Variants in ARFGEF1 observed in about 807,000 individuals in gnomAD.
ARFGEF1 encodes ARF guanine nucleotide exchange factor 1.
Under a neutral mutation model 231.0 loss-of-function variants are expected in ARFGEF1, and 42 were observed. The observed-to-expected ratio is 0.18, with a 90% CI of 0.14 to 0.24. The LOEUF is 0.24. Among genes scored for constraint, ARFGEF1 ranks in the 10% least tolerant of loss-of-function variants. ARFGEF1 has a pLI of 1.00. For synonymous variants in ARFGEF1, 710 were observed against 732.3 expected, an observed-to-expected ratio of 0.97 and a Z score of 0.49; for missense variants, 1,345 against 2,192.0, an observed-to-expected ratio of 0.61 and a Z score of 7.72.
At chr8:67,238,540 T>C (rs753617894) in intron 21 of ARFGEF1, 47 bp from the exon 22 acceptor site, 1 of 1,548,668 alleles carries the variant, frequency 6.5e-7, no homozygotes, top group African/African-American at 1.4e-5. Context: ...GTTAAAAATA[T>C]CTTCAAAAAG....
At chr8:67,291,777 T>A in intron 6 of ARFGEF1, 70 bp downstream of exon 6, 1 of 1,524,910 alleles carries the variant, frequency 6.6e-7, no homozygotes, top group East Asian at 2.3e-5. Flanking sequence ...TCAACATTTC[T>A]TCATCAAAAC....
chr8:67,238,593 T>C (rs960927190), intron 21 of ARFGEF1, 100 bp from the exon 22 acceptor site: 9 of 1,407,080 alleles, frequency 6.4e-6, no homozygotes, highest in Admixed American at 4.7e-5. Context: ...GACTACACTA[T>C]AGATTATTTT....
intron 14 of ARFGEF1, among the ~76,000 whole-genome samples, chr8:67,262,353 A>G (rs1192165946): frequency 6.6e-6 from 1 of 151,988 alleles, no homozygotes; most frequent in African/African-American, 2.4e-5. Flanking sequence ...TAACCTCATG[A>G]TCAAACTTTA....
At chr8:67,342,651 A>C (rs544098256) in intron 1 of ARFGEF1, among the ~76,000 whole-genome samples, 1 of 152,128 alleles carries the variant, frequency 6.6e-6, no homozygotes, top group East Asian at 1.9e-4. Flanking sequence ...CACCTCTTGC[A>C]AACCCCTTCT....
rs562740136 is a variant in ARFGEF1, at chr8:67,201,024, G to A, written c.5267+443C>T. ...ATATGATAATACAATGCAGATGACC[G>A]TATTCTTTCTGAATGGCATGTTTCA... On this transcript the variant is annotated intron_variant, in intron 37 of 38. Transcript: ENST00000262215. Among the ~76,000 whole-genome samples the A allele has an allele frequency of 1.7e-4, 26 of 152,334 alleles. No individual in the cohort carries two copies. In the South Asian group the frequency reaches 3.9e-3, roughly 23 times the overall value.
Position 67,217,784 on chromosome 8 carries a change from A to G in ARFGEF1, c.4611T>C (p.His1537=), listed in dbSNP as rs1225794109. 2.5e-6 allele frequency: 4 copies of G among 1,613,490 alleles called. No homozygotes were observed. The African/African-American group carries it at 4.0e-5, about 16-fold the overall frequency. ...TLDIFKTTIP[H]ALLTWRPNSG... is the part of the protein sequence containing the mutation. ...AAAGTTGTATAAAATCTTCTTACGCATGTGGGATTGTGGTTTTGAAGATAT... is the reference window on the plus strand; with the variant it reads ...AAAGTTGTATAAAATCTTCTTACGCGTGTGGGATTGTGGTTTTGAAGATAT... The change falls in exon 32 of 39, where the codon CAT becomes CAC. Residue 1537 remains histidine (H), a splice_region_variant and synonymous_variant. Transcript: ENST00000262215.
intron 18 of ARFGEF1, among the ~76,000 whole-genome samples, chr8:67,252,719 G>A (rs955389865): frequency 6.6e-6 from 1 of 152,052 alleles, no homozygotes; most frequent in South Asian, 2.1e-4. Flanking sequence ...TGTCTAGAAG[G>A]GGGCTGGGTT....
chr8:67,326,700 A>T (rs557561682), intron 1 of ARFGEF1, among the ~76,000 whole-genome samples: 1 of 152,344 alleles, frequency 6.6e-6, no homozygotes, highest in South Asian at 2.1e-4. Context: ...TTTAAGCAAA[A>T]TTATGTATAA....
At chr8:67,324,376 T>C (rs1807733642) in intron 1 of ARFGEF1, among the ~76,000 whole-genome samples, 1 of 152,234 alleles carries the variant, frequency 6.6e-6, no homozygotes, top group Admixed American at 6.5e-5. Flanking sequence ...ACAGTCATAC[T>C]GAACTCCCTG....
At chr8:67,220,611 G>A (rs1399469534) in intron 29 of ARFGEF1, among the ~76,000 whole-genome samples, 3 of 152,214 alleles carry the variant, frequency 2.0e-5, no homozygotes. Context: ...AGAAACCATA[G>A]TAAAGAAACT....
At position 67,197,973 on chromosome 8, in the gene ARFGEF1, G is replaced by A. The variant is rs758519662; in HGVS notation, c.*961C>T. On this transcript the variant is annotated 3_prime_UTR_variant, in exon 39 of 39. Coordinates refer to ENST00000262215, the MANE Select transcript of ARFGEF1 (RefSeq NM_006421.5). ...TATTCAACGTTAAATTCTGTACATA[G>A]AGTAAAATCTACATCAAGCCCCACC... 1.0e-6 allele frequency: 1 copy of A among 985,658 alleles called. No individual in the cohort carries two copies. Among genetic ancestry groups the A allele is most frequent in the Non-Finnish European group, 1.2e-6 (1 of 829,916 alleles). The allele number at this position is 985,658 out of a possible 1,614,324, so 61.1% of individuals were successfully genotyped here. A position where few individuals can be genotyped will look rare whatever the true frequency, so the allele number is the denominator to read the frequency against.
At chr8:67,196,925 A>AT (rs1233230184), downstream of ARFGEF1, among the ~76,000 whole-genome samples, 1 of 152,208 alleles carries the variant, frequency 6.6e-6, no homozygotes, top group Admixed American at 6.5e-5. Context: ...GTAACTGTTC[A>AT]TTATCTAAGA....
Position 67,336,349 on chromosome 8 carries a change from T to C in ARFGEF1, c.124+6815A>G, listed in dbSNP as rs559936607. On this transcript the variant is annotated intron_variant, in intron 1 of 38. Transcript: ENST00000262215. ...TACAGTAGACTCTGTAAGTGGAAAC[T>C]TGAATAAAGAAATCAAAATGGGTCT... Among the ~76,000 whole-genome samples the C allele has an allele frequency of 3.3e-5, 5 of 152,312 alleles. No individual in the cohort carries two copies. The South Asian group carries it at 6.2e-4, about 19-fold the overall frequency.
downstream of ARFGEF1, chr8:67,195,269 T>TGAGA: frequency 1.3e-6 from 1 of 763,150 alleles, no homozygotes; most frequent in South Asian, 1.5e-5. Flanking sequence ...GTTCAGGATA[T>TGAGA]GAGACTGTGG....
At chr8:67,180,299 C>A (rs530842437) in intron 5 of ARFGEF1, among the ~76,000 whole-genome samples, 480 of 152,314 alleles carry the variant, frequency 3.2e-3, no homozygotes, top group Non-Finnish European at 5.4e-3. Context: ...TTGGATGACT[C>A]TTCAGGGAAA....
chr8:67,227,925 A>G (rs202154827), intron 25 of ARFGEF1, 38 bp downstream of exon 25: 1 of 1,460,292 alleles, frequency 6.8e-7, no homozygotes, highest in African/African-American at 1.4e-5. Flanking sequence ...CAAAAAATAT[A>G]CTACAAATGT....
At position 67,204,976 on chromosome 8, in the gene ARFGEF1, A is replaced by G. The variant is rs1199663158; in HGVS notation, c.4820-157T>C. ...TTTTGCACACAGGCACTACTCAGTAAAAGTTTAACTGATATTTAGAAAAGC... is the reference window on the plus strand; with the variant it reads ...TTTTGCACACAGGCACTACTCAGTAGAAGTTTAACTGATATTTAGAAAAGC... On this transcript the variant is annotated intron_variant, in intron 34 of 38. Transcript: ENST00000262215. 9.7e-6 allele frequency: 8 copies of G among 828,992 alleles called. No individual in the cohort carries two copies. The Admixed American group carries it at 2.4e-4, about 25-fold the overall frequency. 51.4% of individuals were successfully genotyped at this position (828,992 alleles called of 1,614,324 possible). A position where few individuals can be genotyped will look rare whatever the true frequency, so the allele number is the denominator to read the frequency against.
intron 1 of ARFGEF1, among the ~76,000 whole-genome samples, chr8:67,318,618 A>G (rs538041011): frequency 6.6e-6 from 1 of 152,350 alleles, no homozygotes; most frequent in South Asian, 2.1e-4. Flanking sequence ...AGGCTGCAAC[A>G]TGCAAAAATC....
At chr8:67,334,928 T>C (rs1261888827) in intron 1 of ARFGEF1, among the ~76,000 whole-genome samples, 2 of 152,120 alleles carry the variant, frequency 1.3e-5, no homozygotes, top group African/African-American at 2.4e-5. Flanking sequence ...ATTGAGGTAA[T>C]AGAAATGTTC....
Sources: gnomAD v4.1 joint callset for allele counts (sites outside exome capture counted in the v4.1 genomes callset) on GRCh38, gnomAD v4.1.1 for gene constraint, MANE v1.5 for transcripts, NCBI Gene and HGNC (gene_info 2026-07-23, HGNC 2026-07-21) for gene names.